PARD3B: variants seen among roughly 807,000 people sequenced by gnomAD.
PARD3B encodes par-3 family cell polarity regulator beta, also known as partitioning defective 3 homolog B.
Under a neutral mutation model 130.2 loss-of-function variants are expected in PARD3B, and 103 were observed. The observed-to-expected ratio is 0.79, with a 90% confidence interval of 0.67 to 0.93. The LOEUF is 0.93. Among genes scored for constraint, PARD3B ranks in the 40% least tolerant of loss-of-function variants. PARD3B has a pLI of 0.00. For synonymous variants in PARD3B, 583 were observed against 553.2 expected (o/e 1.05, Z -0.76); for missense variants, 1,609 against 1,499.2 (o/e 1.07, Z -1.21).
In PARD3B at chr2:205,526,407, C is replaced by A. The variant is rs74730215; in HGVS notation, c.3180+26376C>A. Among the ~76,000 whole-genome samples, 4 of 152,302 alleles carry A rather than the reference C, an allele frequency of 2.6e-5. No homozygotes were observed. In the East Asian group the frequency reaches 7.7e-4, roughly 29 times the overall value. ...GCCAGGTAGAGTTTTACAAAGAGTA[C>A]TTGCCTTTGTGGCCCCTTTTTCTAA... On this transcript the variant is annotated intron_variant, in intron 21 of 22. Transcript: ENST00000406610.
chr2:204,963,977 C>T (rs1175048444), intron 2 of PARD3B, among the ~76,000 whole-genome samples: 8 of 152,224 alleles, frequency 5.3e-5, no homozygotes, highest in South Asian at 2.1e-4. Flanking sequence ...TTTGAAAGAT[C>T]GAACTTGAAA....
At chr2:205,168,692 T>G (rs1255748064) in intron 11 of PARD3B, among the ~76,000 whole-genome samples, 1 of 151,028 alleles carries the variant, frequency 6.6e-6, no homozygotes, top group East Asian at 2.0e-4. Flanking sequence ...TCTGGGTTGC[T>G]CTGCCATGCC....
chr2:205,332,981 A>C (rs1384726327), intron 18 of PARD3B, among the ~76,000 whole-genome samples: 1 of 152,210 alleles, frequency 6.6e-6, no homozygotes, highest in Non-Finnish European at 1.5e-5. Context: ...ATTTTTATTT[A>C]AAAGATTTAA....
chr2:205,335,640 G>A (rs1249746225), intron 18 of PARD3B, among the ~76,000 whole-genome samples: 1 of 95,486 alleles, frequency 1.0e-5, no homozygotes, highest in African/African-American at 2.6e-5. Flanking sequence ...CACAAGACTG[G>A]GGAAAAAAAA....
chr2:205,530,172 C>A lies in PARD3B; in HGVS notation c.3181-23152C>A, dbSNP rs1279284912. Reference sequence around the variant, plus strand: ...TGCACATCTAACCTTACAGCTGCAACTCGTGAAATAGTAAACCAAAAGTTC... The same window carrying A: ...TGCACATCTAACCTTACAGCTGCAAATCGTGAAATAGTAAACCAAAAGTTC... On this transcript the variant is annotated intron_variant, in intron 21 of 22. Coordinates refer to ENST00000406610, the MANE Select transcript of PARD3B (RefSeq NM_001302769.2). This position sits in a 1 kb window ranked among gnomAD's most constrained non-coding sequence, Gnocchi z 4.7. Among the ~76,000 whole-genome samples, 1 of 152,140 alleles carries A rather than the reference C, an allele frequency of 6.6e-6. No homozygotes were observed. Among genetic ancestry groups the A allele is most frequent in the East Asian group, 1.9e-4 (1 of 5,178 alleles).
At chr2:205,350,012 G>T (rs1271406979) in intron 18 of PARD3B, among the ~76,000 whole-genome samples, 1 of 152,006 alleles carries the variant, frequency 6.6e-6, no homozygotes, top group African/African-American at 2.4e-5. Flanking sequence ...AAGGCCTCTG[G>T]TTTGTGGGGT....
chr2:205,236,610 A>C (rs772006922), intron 15 of PARD3B, among the ~76,000 whole-genome samples: 2 of 152,210 alleles, frequency 1.3e-5, no homozygotes, highest in Admixed American at 1.3e-4. Flanking sequence ...AAAAACTAAT[A>C]AAAATTTAGT....
intron 12 of PARD3B, among the ~76,000 whole-genome samples, chr2:205,174,423 C>T (rs563457345): frequency 4.3e-4 from 66 of 152,252 alleles, no homozygotes; most frequent in Non-Finnish European, 7.8e-4. Context: ...AGCATCTCTG[C>T]GGTACCCATG....
chr2:205,261,678 C>A (rs537504555), intron 16 of PARD3B, among the ~76,000 whole-genome samples: 1 of 152,212 alleles, frequency 6.6e-6, no homozygotes, highest in Admixed American at 6.5e-5. Context: ...TTTGTAGTTA[C>A]AAGCTATGGT....
chr2:205,304,543 G>A (rs2042122117), intron 18 of PARD3B, among the ~76,000 whole-genome samples: 1 of 151,634 alleles, frequency 6.6e-6, no homozygotes, highest in South Asian at 2.1e-4. Context: ...GCTGAGACAG[G>A]AGAATCGCTT....
rs1176174302 is a variant in PARD3B at position 205,265,677 on chromosome 2, CAA to C, written c.2185+19856_2185+19857del. Among the ~76,000 whole-genome samples the C allele has an allele frequency of 3.3e-5, 5 of 151,888 alleles. No individual in the cohort carries two copies. Among genetic ancestry groups the C allele is most frequent in the African/African-American group, 9.7e-5 (4 of 41,398 alleles). On this transcript the variant is annotated intron_variant, in intron 16 of 22. Transcript: ENST00000406610. The surrounding 1 kb of genome is among the most constrained non-coding windows in gnomAD (Gnocchi z 4.3). ...ATATTTTATAGGAAAACATTAGTAA[CAA>C]GAGAGATATCTTAATTTTTAAATTA... is the stretch of plus-strand genomic sequence containing the variant.
At chr2:204,763,267 A>G (rs959847596) in intron 2 of PARD3B, among the ~76,000 whole-genome samples, 2 of 152,222 alleles carry the variant, frequency 1.3e-5, no homozygotes, top group African/African-American at 4.8e-5. Context: ...AGCTAAAACA[A>G]AGGCAGTATA....
At chr2:204,738,630 C>A (rs2039860969) in intron 2 of PARD3B, among the ~76,000 whole-genome samples, 1 of 152,074 alleles carries the variant, frequency 6.6e-6, no homozygotes, top group African/African-American at 2.4e-5. Flanking sequence ...AGGCTGGGCT[C>A]TTTTATGGAG....
rs2036488554 is a variant in PARD3B at position 204,675,361 on chromosome 2, A to T, written c.121-10820A>T. Among the ~76,000 whole-genome samples the T allele has an allele frequency of 6.6e-6, 1 of 152,060 alleles. No individual in the cohort carries two copies. Among genetic ancestry groups the T allele is most frequent in the Non-Finnish European group, 1.5e-5 (1 of 68,002 alleles). ...TTTTAATTTCAGACTTTTAACGTTT[A>T]ATTTTCCTGATATAACTTCAGTTTT... On this transcript the variant is annotated intron_variant, in intron 1 of 22. Transcript: ENST00000406610. The surrounding 1 kb of genome is among the most constrained non-coding windows in gnomAD (Gnocchi z 4.4).
intron 4 of PARD3B, among the ~76,000 whole-genome samples, chr2:205,076,581 A>C (rs1318785719): frequency 6.6e-6 from 1 of 152,172 alleles, no homozygotes; most frequent in Non-Finnish European, 1.5e-5. Flanking sequence ...GCCAGGCTGC[A>C]CAGCAGGAGG....
chr2:205,001,239 T>A (rs1559345014), intron 3 of PARD3B, among the ~76,000 whole-genome samples: 1 of 152,166 alleles, frequency 6.6e-6, no homozygotes, highest in Non-Finnish European at 1.5e-5. Context: ...TCTGCTCACC[T>A]CGGCCTCCCA....
chr2:205,285,284 C>G (rs1027350751), intron 16 of PARD3B, among the ~76,000 whole-genome samples: 3 of 151,974 alleles, frequency 2.0e-5, no homozygotes, highest in Non-Finnish European at 4.4e-5. Context: ...GATTAGCTAT[C>G]ATTATTATTA....
intron 2 of PARD3B, among the ~76,000 whole-genome samples, chr2:204,918,623 C>A (rs1156572917): frequency 1.6e-4 from 23 of 145,232 alleles, no homozygotes. Flanking sequence ...GAGCGAGACT[C>A]CGTCTCAAAA....
intron 2 of PARD3B, among the ~76,000 whole-genome samples, chr2:204,705,398 G>T (rs1292019122): frequency 6.6e-6 from 1 of 152,166 alleles, no homozygotes; most frequent in Non-Finnish European, 1.5e-5. Flanking sequence ...TGAGTGGTTG[G>T]AGGCAAAGGC....
Sources: allele counts gnomAD v4.1 joint callset (sites outside exome capture counted in the v4.1 genomes callset), GRCh38; gene constraint gnomAD v4.1.1; non-coding constraint Gnocchi (gnomAD v3.1); transcripts MANE v1.5; gene names NCBI Gene and HGNC (gene_info 2026-07-23, HGNC 2026-07-21).